The following CHST9 variants were observed in gnomAD, a reference collection of about 807,000 sequenced individuals.
The protein encoded by CHST9 is GalNAc-4-sulfotransferase 2.
In CHST9, 41 loss-of-function variants were observed where a neutral mutation model predicts 44.4. The observed-to-expected ratio is 0.92, with a 90% CI of 0.72 to 1.20. CHST9 has a LOEUF of 1.20. Ranked by LOEUF, CHST9 falls within the 50% of genes most tolerant of loss-of-function variation. The pLI is 0.00. For missense variants in CHST9, 504 were observed against 516.5 expected, an observed-to-expected ratio of 0.98 and a Z score of 0.23; for synonymous variants, 171 against 178.4, an observed-to-expected ratio of 0.96 and a Z score of 0.33.
chr18:27,019,465 T>C (rs1331306442), intron 4 of CHST9, among the ~76,000 whole-genome samples: 2 of 152,090 alleles, frequency 1.3e-5, no homozygotes, highest in Non-Finnish European at 2.9e-5. Flanking sequence ...TAAGAAATGA[T>C]GTTGAATTAC....
At chr18:27,075,703 G>A (rs573356398) in intron 2 of CHST9, among the ~76,000 whole-genome samples, 39 of 115,004 alleles carry the variant, frequency 3.4e-4, no homozygotes, top group African/African-American at 1.4e-3. Context: ...ACTCCCAGAT[G>A]TGCAAAACTT....
chr18:26,980,178 C>T (rs780263713), intron 4 of CHST9, among the ~76,000 whole-genome samples: 2 of 152,084 alleles, frequency 1.3e-5, no homozygotes, highest in African/African-American at 2.4e-5. Context: ...CTATATAACC[C>T]TTCACTATAG....
intron 1 of CHST9, among the ~76,000 whole-genome samples, chr18:27,157,485 G>A (rs1432152623): frequency 6.6e-6 from 1 of 152,140 alleles, no homozygotes; most frequent in Non-Finnish European, 1.5e-5. Flanking sequence ...TCTAGCCCAT[G>A]TGTGGTTAGC....
chr18:27,110,599 G>A (rs2058262774), intron 2 of CHST9, among the ~76,000 whole-genome samples: 1 of 152,126 alleles, frequency 6.6e-6, no homozygotes, highest in African/African-American at 2.4e-5. Flanking sequence ...TTTCTAGGTT[G>A]CACATATAGA....
intron 2 of CHST9, among the ~76,000 whole-genome samples, chr18:27,054,493 T>C (rs1276537435): frequency 1.3e-5 from 2 of 152,202 alleles, no homozygotes; most frequent in Non-Finnish European, 2.9e-5. Context: ...AGAAAATTTA[T>C]TTAATTGAAC....
At position 26,916,274 on chromosome 18, in the gene CHST9, T is replaced by G; in HGVS notation, c.1317A>C (p.Thr439=). ...TGAATGCAAACTACAAAAATGGAGT[T>G]GTATAATTAAACATTAAATAGTCCA... ...YYLDYLMFNY[T]TPFL is the part of the protein sequence containing the mutation. Residue 439 remains threonine, a synonymous_variant, in exon 6 of 6, where the codon ACA becomes ACC. Coordinates refer to ENST00000618847, the MANE Select transcript of CHST9 (RefSeq NM_031422.6). The G allele has an allele frequency of 6.4e-7, 1 of 1,564,374 alleles. No homozygotes were observed. The highest frequency in any genetic ancestry group is 8.8e-7 in the Non-Finnish European group (1 of 1,141,310).
At position 27,142,624 on chromosome 18, in the gene CHST9, CTAATT is replaced by C. The variant is rs531861588; in HGVS notation, c.121+60_121+64del. The C allele has an allele frequency of 1.5e-4, 172 of 1,161,510 alleles. No individual in the cohort carries two copies. The African/African-American group carries it at 2.6e-3, about 18-fold the overall frequency. The allele number at this position is 1,161,510 out of a possible 1,614,324, so 72.0% of individuals were successfully genotyped here. The stretch of plus-strand genomic sequence containing the variant: ...CTCAATATATTAATAAGCATCACAA[CTAATT>C]TAATTTAAAAATAGCTATTATTGTT... On this transcript the variant is annotated intron_variant, in intron 2 of 5. Coordinates refer to ENST00000618847, the MANE Select transcript of CHST9 (RefSeq NM_031422.6).
At chr18:26,973,279 T>C (rs185819224) in intron 4 of CHST9, among the ~76,000 whole-genome samples, 365 of 152,310 alleles carry the variant, frequency 2.4e-3, no homozygotes, top group Middle Eastern at 3.4e-3. Context: ...ATTGGCTGTG[T>C]CTTGTTCTGT....
At position 27,137,346 on chromosome 18, in the gene CHST9, GTGTGTGTGTA is replaced by G. The variant is rs1296545760; in HGVS notation, c.121+5333_121+5342del. Reference sequence around the variant, plus strand: ...TGTGTGTGTGTGTGTGTGTGTGTGTGTGTGTGTGTATAGAGAGAGAGAGAGAGAAAGAGGC... The same window carrying G: ...TGTGTGTGTGTGTGTGTGTGTGTGTGTAGAGAGAGAGAGAGAGAAAGAGGC... On this transcript the variant is annotated intron_variant, in intron 2 of 5. Coordinates refer to ENST00000618847, the MANE Select transcript of CHST9 (RefSeq NM_031422.6). Among the ~76,000 whole-genome samples the G allele has an allele frequency of 3.6e-3, 407 of 111,626 alleles. 2 individuals are homozygous for G. Among genetic ancestry groups the G allele is most frequent in the African/African-American group, 0.013 (384 of 30,534 alleles). 73.2% of individuals were successfully genotyped at this position (111,626 alleles called of 152,430 possible).
intron 2 of CHST9, among the ~76,000 whole-genome samples, chr18:27,092,726 GTTGT>G (rs2058081221): frequency 1.3e-5 from 2 of 152,168 alleles, no homozygotes; most frequent in African/African-American, 4.8e-5. Flanking sequence ...TCAGGAGCAG[GTTGT>G]TCAGTTTCCA....
intron 2 of CHST9, among the ~76,000 whole-genome samples, chr18:27,120,217 C>T (rs967496402): frequency 3.3e-5 from 5 of 152,126 alleles, no homozygotes; most frequent in Admixed American, 2.6e-4. Flanking sequence ...GCCTACATTA[C>T]GAGTAAATTT....
intron 4 of CHST9, among the ~76,000 whole-genome samples, chr18:27,000,067 T>C (rs1324799634): frequency 6.6e-6 from 1 of 152,194 alleles, no homozygotes; most frequent in Admixed American, 6.5e-5. Context: ...TGCTTGTAAA[T>C]ACAGAGACCT....
At chr18:27,059,963 C>T (rs986839862) in intron 2 of CHST9, among the ~76,000 whole-genome samples, 2 of 152,198 alleles carry the variant, frequency 1.3e-5, no homozygotes, top group African/African-American at 2.4e-5. Context: ...CAGGCCTTTA[C>T]AGGCTACTTT....
Position 27,048,030 on chromosome 18 carries a change from T to C in CHST9, c.160+435A>G, listed in dbSNP as rs188204123. Among the ~76,000 whole-genome samples the C allele has an allele frequency of 1.4e-3, 217 of 152,280 alleles. 1 individual carries two copies. The highest frequency in any genetic ancestry group is 5.0e-3 in the African/African-American group (208 of 41,576). On this transcript the variant is annotated intron_variant, in intron 3 of 5. Transcript: ENST00000618847. ...TTAGAAGTGAAGGCATTCTTAAAAT[T>C]CCTCCAAAATATAAAGATGCTTCTC...
chr18:26,985,333 C>G (rs2145198274), intron 4 of CHST9, among the ~76,000 whole-genome samples: 1 of 152,258 alleles, frequency 6.6e-6, no homozygotes, highest in South Asian at 2.1e-4. Context: ...TAACTGGGAC[C>G]AAATTTATTC....
At chr18:27,024,974 A>C (rs541124721) in intron 3 of CHST9, among the ~76,000 whole-genome samples, 1 of 151,420 alleles carries the variant, frequency 6.6e-6, no homozygotes, top group Non-Finnish European at 1.5e-5. Context: ...CTTACAGAGC[A>C]GTAAGAATGT....
chr18:26,975,060 C>T (rs968959360), intron 4 of CHST9, among the ~76,000 whole-genome samples: 4 of 152,202 alleles, frequency 2.6e-5, no homozygotes, highest in African/African-American at 7.2e-5. Context: ...AGCTGTTACG[C>T]GGCAGAGCTG....
intron 4 of CHST9, among the ~76,000 whole-genome samples, chr18:26,989,002 A>G (rs891183536): frequency 3.3e-5 from 5 of 152,150 alleles, no homozygotes; most frequent in Non-Finnish European, 7.4e-5. Context: ...AACAGTACCC[A>G]GGAGGAATTT....
intron 5 of CHST9, among the ~76,000 whole-genome samples, chr18:26,940,526 A>G (rs1176006104): frequency 6.6e-6 from 1 of 152,170 alleles, no homozygotes; most frequent in Non-Finnish European, 1.5e-5. Context: ...AGGAGAATGG[A>G]AGATGAATAG....
Sources: allele counts gnomAD v4.1 joint callset (sites outside exome capture counted in the v4.1 genomes callset), GRCh38; gene constraint gnomAD v4.1.1; transcripts MANE v1.5; gene names NCBI Gene and HGNC (gene_info 2026-07-23, HGNC 2026-07-21).